Variants in FOXJ3 observed in about 807,000 individuals in gnomAD.
FOXJ3 encodes forkhead box protein J3.
A neutral mutation model predicts 76.1 loss-of-function variants in FOXJ3; 22 were observed. The observed-to-expected ratio is 0.29, with a 90% CI of 0.21 to 0.41. The LOEUF is 0.41. Among genes scored for constraint, FOXJ3 ranks in the 10% least tolerant of loss-of-function variants. The pLI is 1.00. For synonymous variants in FOXJ3, 269 were observed against 261.2 expected (o/e 1.03, Z -0.29); for missense variants, 613 against 762.1 (o/e 0.80, Z 2.30).
At chr1:42,323,828 C>T (rs533404791) in intron 1 of FOXJ3, 2 of 310,678 alleles carry the variant, frequency 6.4e-6, no homozygotes, top group South Asian at 1.3e-4. Flanking sequence ...CAGGGAAGAA[C>T]TAAGAAAAAA....
rs139207469 is a variant in FOXJ3, at chr1:42,328,196, T to C, written c.-18+6863A>G. Among the ~76,000 whole-genome samples the C allele has an allele frequency of 1.0e-3, 158 of 152,338 alleles. 1 individual carries two copies. Among genetic ancestry groups the C allele is most frequent in the African/African-American group, 3.7e-3 (152 of 41,572 alleles). ...CTCTAGTCCCAGCCACTTGTGGCGCTAAGGCAGGAGGATCGCTTGAGCCCT... is the reference window on the plus strand; with the variant it reads ...CTCTAGTCCCAGCCACTTGTGGCGCCAAGGCAGGAGGATCGCTTGAGCCCT... On this transcript the variant is annotated intron_variant, in intron 1 of 12. Transcript: ENST00000361346.
At chr1:42,251,982 G>T (rs1238190253) in intron 4 of FOXJ3, among the ~76,000 whole-genome samples, 2 of 152,092 alleles carry the variant, frequency 1.3e-5, no homozygotes, top group Non-Finnish European at 2.9e-5. Context: ...CTCCCAAAGT[G>T]CTGGGATTAC....
At chr1:42,334,935 G>A (rs867927088) in intron 1 of FOXJ3, 124 bp downstream of exon 1, 1 of 152,202 alleles carries the variant, frequency 6.6e-6, no homozygotes, top group Non-Finnish European at 1.5e-5. Context: ...CCCGCAACGC[G>A]GCTGCGGCTG....
chr1:42,199,252 G>T, intron 6 of FOXJ3, 22 bp from the exon 7 acceptor site: 1 of 1,602,086 alleles, frequency 6.2e-7, no homozygotes, highest in South Asian at 1.1e-5. Context: ...AAAGAAAAAT[G>T]ACAATTGAAT....
At chr1:42,262,844 G>A (rs556441463) in intron 4 of FOXJ3, among the ~76,000 whole-genome samples, 8 of 152,130 alleles carry the variant, frequency 5.3e-5, no homozygotes, top group Admixed American at 1.3e-4. Flanking sequence ...GTGAGACTCC[G>A]TCTCAAAATT....
chr1:42,333,945 A>G (rs146733175), intron 1 of FOXJ3, among the ~76,000 whole-genome samples: 122 of 152,326 alleles, frequency 8.0e-4, no homozygotes, highest in African/African-American at 2.8e-3. Context: ...ACACACACAA[A>G]TAAATCTCAG....
chr1:42,183,260 G>T (rs2124121915), intron 11 of FOXJ3, among the ~76,000 whole-genome samples: 1 of 135,946 alleles, frequency 7.4e-6, no homozygotes, highest in South Asian at 2.8e-4. Context: ...TGTCAAAAGA[G>T]AAGAGAGAGG....
intron 5 of FOXJ3, among the ~76,000 whole-genome samples, chr1:42,214,421 G>A (rs749645032): frequency 4.1e-4 from 62 of 152,292 alleles, no homozygotes; most frequent in Non-Finnish European, 7.1e-4. Flanking sequence ...TCTGGACAAA[G>A]AAAGTATCGA....
intron 5 of FOXJ3, among the ~76,000 whole-genome samples, chr1:42,216,395 G>A (rs1238896322): frequency 1.3e-5 from 2 of 151,778 alleles, no homozygotes; most frequent in African/African-American, 4.8e-5. Context: ...GCGGGCGCCT[G>A]TAGTCCCAGC....
chr1:42,256,561 C>T (rs1001771041), intron 4 of FOXJ3, among the ~76,000 whole-genome samples: 1 of 152,038 alleles, frequency 6.6e-6, no homozygotes, highest in Non-Finnish European at 1.5e-5. Context: ...AGAATGGCTA[C>T]AGTTAAAAAG....
At chr1:42,199,388 G>T (rs1474274054) in intron 6 of FOXJ3, among the ~76,000 whole-genome samples, 158 bp from the exon 7 acceptor site, 1 of 152,074 alleles carries the variant, frequency 6.6e-6, no homozygotes, top group African/African-American at 2.4e-5. Flanking sequence ...GGCTAAGTTC[G>T]TGTTCATCAT....
intron 1 of FOXJ3, among the ~76,000 whole-genome samples, chr1:42,328,193 C>A (rs928645860): frequency 2.6e-5 from 4 of 152,148 alleles, no homozygotes; most frequent in Non-Finnish European, 5.9e-5. Context: ...CCACTTGTGG[C>A]GCTAAGGCAG....
At chr1:42,323,476 C>T (rs1210767362) in intron 1 of FOXJ3, among the ~76,000 whole-genome samples, 1 of 152,086 alleles carries the variant, frequency 6.6e-6, no homozygotes, top group Non-Finnish European at 1.5e-5. Flanking sequence ...GTCTCTATTC[C>T]TCTAACTTGC....
At chr1:42,222,587 G>C (rs2124430713) in intron 5 of FOXJ3, among the ~76,000 whole-genome samples, 1 of 152,256 alleles carries the variant, frequency 6.6e-6, no homozygotes, top group South Asian at 2.1e-4. Context: ...TGATAAGCAT[G>C]AATTTTTATA....
intron 4 of FOXJ3, among the ~76,000 whole-genome samples, chr1:42,229,480 G>C (rs1471205276): frequency 1.3e-5 from 2 of 152,174 alleles, no homozygotes; most frequent in East Asian, 3.9e-4. Context: ...CTATGTACAT[G>C]TCAGTGTACA....
chr1:42,259,860 T>C (rs181279074), intron 4 of FOXJ3, among the ~76,000 whole-genome samples: 5 of 152,270 alleles, frequency 3.3e-5, no homozygotes, highest in Admixed American at 6.5e-5. Flanking sequence ...AGCCTTCAAC[T>C]CGAGTTCTTA....
intron 1 of FOXJ3, among the ~76,000 whole-genome samples, chr1:42,325,157 G>C (rs1008037978): frequency 2.8e-4 from 43 of 152,300 alleles, no homozygotes; most frequent in African/African-American, 1.0e-3. Context: ...CATCCTGGAA[G>C]AATCGATACA....
chr1:42,205,949 G>A (rs1000401046), intron 5 of FOXJ3, 86 bp from the exon 6 acceptor site: 22 of 718,412 alleles, frequency 3.1e-5, no homozygotes, highest in Admixed American at 5.5e-5. Context: ...TCAAATTCTT[G>A]AACATCCAGT....
rs144195796 is a variant in FOXJ3 at position 42,240,071 on chromosome 1, A to G, written c.445-12105T>C. Among the ~76,000 whole-genome samples, 1,089 of 152,348 alleles carry G rather than the reference A, an allele frequency of 7.1e-3. 22 individuals carry two copies. Among genetic ancestry groups the G allele is most frequent in the African/African-American group, 0.025 (1,051 of 41,586 alleles). On this transcript the variant is annotated intron_variant, in intron 4 of 12. Coordinates refer to ENST00000361346, the MANE Select transcript of FOXJ3 (RefSeq NM_014947.5). ...AAATTGTAGGAGGTAAGAAAGAAGA[A>G]TATCTTAAGATTAACACAAAACAAT...
Sources: allele counts gnomAD v4.1 joint callset (sites outside exome capture counted in the v4.1 genomes callset), GRCh38; gene constraint gnomAD v4.1.1; transcripts MANE v1.5; gene names NCBI Gene and HGNC (gene_info 2026-07-23, HGNC 2026-07-21).